Variants in NOBOX observed in about 807,000 individuals in gnomAD.
NOBOX encodes the protein homeobox protein NOBOX.
In NOBOX, 46 loss-of-function variants were observed where a neutral mutation model predicts 60.2. The ratio of observed to expected loss-of-function variants is 0.76; its 90% CI spans 0.60 to 0.98. The LOEUF is 0.98. NOBOX is among the 50% of genes least tolerant of loss of function. NOBOX has a pLI of 0.00. For synonymous variants in NOBOX, 360 were observed against 346.3 expected (o/e 1.04, Z -0.44); for missense variants, 880 against 865.5 (o/e 1.02, Z -0.21).
In NOBOX at chr7:144,397,244, G is replaced by A; in HGVS notation, c.2072C>T (p.Pro691Leu). The A allele has an allele frequency of 2.0e-6, 3 of 1,525,654 alleles. No homozygotes were observed. Among genetic ancestry groups the A allele is most frequent in the South Asian group, 1.2e-5 (1 of 83,574 alleles). The allele number at this position is 1,525,654 out of a possible 1,614,324, so 94.5% of individuals were successfully genotyped here. Residue 691 changes from proline to leucine, a missense_variant, in exon 10 of 10, where the codon CCC becomes CTC. Pro to Leu is a moderately conservative substitution (Grantham distance 98). Coordinates refer to ENST00000467773, the MANE Select transcript of NOBOX (RefSeq NM_001080413.3). ...TTTCACTCTTTGACCCCCCAACTAG[G>A]GGACATGGCTATTCTTGTCATCCCC...
chr7:144,399,628 C>A (rs1306957994), intron 6 of NOBOX, 129 bp downstream of exon 4: 4 of 1,141,044 alleles, frequency 3.5e-6, no homozygotes, highest in Admixed American at 4.1e-5. Flanking sequence ...CAAAATCCCT[C>A]TAAATCTTAG....
In NOBOX at chr7:144,398,976, G is replaced by C; in HGVS notation, c.1443C>G (p.Asp481Glu). Reference sequence around the variant, plus strand: ...TTGTCCCCCAGGACCCACAGGGGCCGTCCTTGTGGCTGCTGTCACTGCCAG... The same window carrying C: ...TTGTCCCCCAGGACCCACAGGGGCCCTCCTTGTGGCTGCTGTCACTGCCAG... Residue 481 changes from aspartate (D) to glutamate (E), a missense_variant, in exon 8 of 10, where the codon GAC (aspartate) becomes GAG (glutamate). Coordinates refer to ENST00000467773, the MANE Select transcript of NOBOX (RefSeq NM_001080413.3). The C allele has an allele frequency of 1.9e-6, 3 of 1,570,818 alleles. No homozygotes were observed. Among genetic ancestry groups the C allele is most frequent in the Non-Finnish European group, 2.6e-6 (3 of 1,157,444 alleles).
chr7:144,399,235 G>A, intron 7 of NOBOX, 57 bp from the exon 6 acceptor site: 1 of 997,714 alleles, frequency 1.0e-6, no homozygotes, highest in Non-Finnish European at 1.5e-6. Flanking sequence ...GGCAGGTTTG[G>A]CATCGCTGAA....
At position 144,398,463 on chromosome 7, in the gene NOBOX, A is replaced by T; in HGVS notation, c.1593T>A (p.Pro531=). Residue 531 remains proline (P), a synonymous_variant, in exon 9 of 10, where the codon CCT becomes CCA. Transcript: ENST00000467773. ...TGGGGAGGTAGGGCAACTTGGGCTGAGGGGACTGGAAAAGCGGGGGCTGTG... is the reference window on the plus strand; with the variant it reads ...TGGGGAGGTAGGGCAACTTGGGCTGTGGGGACTGGAAAAGCGGGGGCTGTG... 1 of 1,537,160 alleles carries T rather than the reference A, an allele frequency of 6.5e-7. No individual in the cohort carries two copies. The highest frequency in any genetic ancestry group is 8.7e-7 in the Non-Finnish European group (1 of 1,146,904).
In NOBOX at chr7:144,401,550, C is replaced by A; in HGVS notation, c.340G>T (p.Glu114Ter). 6.6e-7 allele frequency: 1 copy of A among 1,513,292 alleles called. No homozygotes were observed. The allele number at this position is 1,513,292 out of a possible 1,614,324, so 93.7% of individuals were successfully genotyped here. ...TGAGGGGCTGAGCCCCGGAGCAGTT[C>A]CTCCTCCCCGGGTCCTGCAGCCAGG... Residue 114 changes from glutamate to a stop codon, truncating the protein, a stop_gained, in exon 4 of 10, where the codon GAA (glutamate) becomes TAA (stop). Transcript: ENST00000467773. LOFTEE classifies it high-confidence loss of function. This position sits in a 1 kb window ranked among gnomAD's most constrained non-coding sequence, Gnocchi z 4.2.
chr7:144,398,569 G>A lies in NOBOX; in HGVS notation c.1487C>T (p.Pro496Leu), dbSNP rs1203231695. The change falls in exon 9 of 10, where the codon CCC becomes CTC. Residue 496 changes from proline (P) to leucine (L), a missense_variant. Coordinates refer to ENST00000467773, the MANE Select transcript of NOBOX (RefSeq NM_001080413.3). ...CTCCAGCTCCTCCAAATATGAACAG[G>A]GGGGTGGCAGGGTGATGCTGCAAGG... The A allele has an allele frequency of 6.5e-6, 10 of 1,535,820 alleles. 1 individual carries two copies. In the South Asian group the frequency reaches 9.5e-5, roughly 15 times the overall value.
rs775716064 is a variant in NOBOX, at chr7:144,399,868, G to T, written c.1048-5C>A. ...CCGGCGATTCTGGAACCACACCTAT[G>T]GGGGGAAAGGTGCTTGAAGAACTGG... On this transcript the variant is annotated splice_region_variant and splice_polypyrimidine_tract_variant and intron_variant, in intron 5 of 9. Coordinates refer to ENST00000467773, the MANE Select transcript of NOBOX (RefSeq NM_001080413.3). 33 of 1,602,088 alleles carry T rather than the reference G, an allele frequency of 2.1e-5. No homozygotes were observed. The highest frequency in any genetic ancestry group is 1.9e-4 in the South Asian group (17 of 90,328).
chr7:144,401,088 T>C lies in NOBOX; in HGVS notation c.802A>G (p.Thr268Ala), dbSNP rs1350262499. ...CGTGTCTTTTTCCTAATTTGGCAGG[T>C]CACTTCCGGGGGCCCCTGCTTGTGG... The change falls in exon 4 of 10, where the codon ACC becomes GCC. Residue 268 changes from threonine to alanine, a missense_variant. Physicochemically the swap from Thr to Ala is moderately conservative, Grantham distance 58. Coordinates refer to ENST00000467773, the MANE Select transcript of NOBOX (RefSeq NM_001080413.3). This position sits in a 1 kb window ranked among gnomAD's most constrained non-coding sequence, Gnocchi z 4.2. 3.9e-6 allele frequency: 6 copies of C among 1,534,862 alleles called. No homozygotes were observed. Among genetic ancestry groups the C allele is most frequent in the Non-Finnish European group, 4.4e-6 (5 of 1,143,900 alleles).
intron 2 of NOBOX, chr7:144,403,662 G>A (rs1481402900): frequency 7.3e-6 from 5 of 680,406 alleles, no homozygotes; most frequent in Non-Finnish European, 1.3e-5. Flanking sequence ...CTCACCCAGC[G>A]GTCCCTGGCA....
rs750469678 is a variant in NOBOX, at chr7:144,401,944, G to A, written c.217C>T (p.His73Tyr). Residue 73 changes from histidine (H) to tyrosine (Y), a missense_variant, in exon 3 of 10, where the codon CAT becomes TAT. Coordinates refer to ENST00000467773, the MANE Select transcript of NOBOX (RefSeq NM_001080413.3). The surrounding 1 kb of genome is among the most constrained non-coding windows in gnomAD (Gnocchi z 4.2). ...TGTTCAGGTATCTCTAAGGGATCAT[G>A]TTGGGGCTGCGGATGGACCAGGAAG... 2.3e-5 allele frequency: 37 copies of A among 1,611,318 alleles called. No individual in the cohort carries two copies. The highest frequency in any genetic ancestry group is 3.1e-5 in the Non-Finnish European group (37 of 1,177,772).
In NOBOX at chr7:144,399,685, A is replaced by C; in HGVS notation, c.1154+72T>G. ...CCTAGCCTTCCAATGGTCTCCTTCT[A>C]GACCCTCAGGATCCCAGCTTGGACC... On this transcript the variant is annotated intron_variant, in intron 6 of 9. Coordinates refer to ENST00000467773, the MANE Select transcript of NOBOX (RefSeq NM_001080413.3). 3 of 1,324,472 alleles carry C rather than the reference A, an allele frequency of 2.3e-6. No individual in the cohort carries two copies. The Middle Eastern group carries it at 5.4e-4, about 241-fold the overall frequency. 82.0% of individuals were successfully genotyped at this position (1,324,472 alleles called of 1,614,324 possible).
chr7:144,407,233 T>G (rs1222390911), intron 1 of NOBOX, among the ~76,000 whole-genome samples: 1 of 152,096 alleles, frequency 6.6e-6, no homozygotes, highest in Non-Finnish European at 1.5e-5. Flanking sequence ...CTCTCTATAA[T>G]GAGAAAAATA....
chr7:144,405,372 C>T lies in NOBOX; in HGVS notation c.86-692G>A, dbSNP rs1384908306. On this transcript the variant is annotated intron_variant, in intron 1 of 9. Transcript: ENST00000467773. Reference sequence around the variant, plus strand: ...CGACATGGTAAATGGAACCCAGGCACGTCCTTGCTCACAGAAGCTTACTGG... The same window carrying T: ...CGACATGGTAAATGGAACCCAGGCATGTCCTTGCTCACAGAAGCTTACTGG... Among the ~76,000 whole-genome samples, 3 of 152,114 alleles carry T rather than the reference C, an allele frequency of 2.0e-5. No individual in the cohort carries two copies. The South Asian group carries it at 6.2e-4, about 32-fold the overall frequency.
chr7:144,408,798 A>C (rs2054002706), intron 1 of NOBOX, among the ~76,000 whole-genome samples: 1 of 152,184 alleles, frequency 6.6e-6, no homozygotes, highest in Admixed American at 6.5e-5. Context: ...AGGGGAGGGA[A>C]GTGGCTGTGA....
At chr7:144,400,584 C>T (rs917862129) in intron 4 of NOBOX, among the ~76,000 whole-genome samples, 3 of 152,240 alleles carry the variant, frequency 2.0e-5, no homozygotes, top group African/African-American at 7.2e-5. Flanking sequence ...GTTGCCCAGG[C>T]TGGAGTGCAG....
chr7:144,400,014 C>A, intron 5 of NOBOX, 151 bp from the exon 4 acceptor site: 1 of 1,399,886 alleles, frequency 7.1e-7, no homozygotes, highest in South Asian at 1.3e-5. Flanking sequence ...TATCAAAAGT[C>A]TCTGCAGTGC....
In NOBOX at chr7:144,399,497, A is replaced by G; in HGVS notation, c.1155-15T>C. On this transcript the variant is annotated splice_polypyrimidine_tract_variant and intron_variant, in intron 6 of 9. Transcript: ENST00000467773. Reference sequence around the variant, plus strand: ...CAGCTGCAGAGCTGGAGGCAGGAAGAATGAAGACTGTAGCTTTGGTGGTCT... The same window carrying G: ...CAGCTGCAGAGCTGGAGGCAGGAAGGATGAAGACTGTAGCTTTGGTGGTCT... 6.4e-7 allele frequency: 1 copy of G among 1,561,022 alleles called. No individual in the cohort carries two copies. The highest frequency in any genetic ancestry group is 8.7e-7 in the Non-Finnish European group (1 of 1,150,794).
rs115882574 is a variant in NOBOX at position 144,397,490 on chromosome 7, G to A, written c.1826C>T (p.Pro609Leu). The A allele has an allele frequency of 5.1e-4, 790 of 1,536,732 alleles. 5 individuals carry two copies. The highest frequency in any genetic ancestry group is 4.0e-3 in the African/African-American group (294 of 73,150). ...ATGCCCCAGAGCTTGTGGGCAGAAC[G>A]GACCAGGGAAGGGCAGCTCTGGCAA... The change falls in exon 10 of 10, where the codon CCG (proline) becomes CTG (leucine). Residue 609 changes from proline to leucine, a missense_variant. Pro to Leu is a moderately conservative substitution (Grantham distance 98). Coordinates refer to ENST00000467773, the MANE Select transcript of NOBOX (RefSeq NM_001080413.3).
At chr7:144,398,216 T>C in intron 9 of NOBOX, 66 bp downstream of exon 7, 1 of 1,416,276 alleles carries the variant, frequency 7.1e-7, no homozygotes, top group Non-Finnish European at 9.6e-7. Context: ...TCCAGATAAC[T>C]TGGCTCTTTG....
Sources: allele counts gnomAD v4.1 joint callset (sites outside exome capture counted in the v4.1 genomes callset), GRCh38; gene constraint gnomAD v4.1.1; non-coding constraint Gnocchi (gnomAD v3.1); transcripts MANE v1.5; gene names NCBI Gene and HGNC (gene_info 2026-07-23, HGNC 2026-07-21).